The following BBX variants were observed in gnomAD, a reference collection of about 807,000 sequenced individuals.
The protein encoded by BBX is HMG box transcription factor BBX.
In BBX, 30 loss-of-function variants were observed where a neutral mutation model predicts 100.2. That is an observed-to-expected ratio of 0.30 (90% CI 0.22 to 0.41). BBX has a LOEUF of 0.41. Ranked by LOEUF, BBX falls within the 10% of genes least tolerant of loss-of-function variation. The pLI, the probability that BBX is intolerant of heterozygous loss-of-function variation, is 1.00. For missense variants in BBX, 1,023 were observed against 1,129.8 expected (o/e 0.91, Z 1.35); for synonymous variants, 376 against 388.1 (o/e 0.97, Z 0.37).
At chr3:107,730,923 G>C (rs572430676) in intron 6 of BBX, among the ~76,000 whole-genome samples, 5 of 152,124 alleles carry the variant, frequency 3.3e-5, no homozygotes, top group African/African-American at 1.2e-4. Flanking sequence ...GATAATAGAG[G>C]GCCTCTAAAT....
chr3:107,536,811 C>T (rs2048525299), intron 2 of BBX, among the ~76,000 whole-genome samples: 2 of 152,052 alleles, frequency 1.3e-5, no homozygotes, highest in Admixed American at 1.3e-4. Flanking sequence ...CAACCCTTGT[C>T]CTCAAAGCAA....
intron 2 of BBX, among the ~76,000 whole-genome samples, chr3:107,609,325 G>A (rs1388852633): frequency 1.3e-5 from 2 of 152,062 alleles, no homozygotes; most frequent in Non-Finnish European, 2.9e-5. Flanking sequence ...GGGTTCCTTA[G>A]GGATACTGGC....
intron 13 of BBX, among the ~76,000 whole-genome samples, chr3:107,779,498 T>G (rs1020469142): frequency 3.3e-5 from 5 of 152,052 alleles, no homozygotes; most frequent in African/African-American, 1.2e-4. Context: ...GTGGCTGGGC[T>G]GTAGTTGCTT....
At chr3:107,794,186 A>G (rs1411196652) in intron 15 of BBX, among the ~76,000 whole-genome samples, 2 of 152,140 alleles carry the variant, frequency 1.3e-5, no homozygotes, top group Admixed American at 1.3e-4. Flanking sequence ...TTTATAGTTT[A>G]CAGGGGGCTT....
chr3:107,535,315 T>C (rs2048413498), intron 2 of BBX, among the ~76,000 whole-genome samples: 1 of 152,196 alleles, frequency 6.6e-6, no homozygotes, highest in South Asian at 2.1e-4. Flanking sequence ...CTTTATCACT[T>C]GTAAGGAAAG....
At chr3:107,769,169 CATAGATAG>C (rs61134656) in intron 10 of BBX, among the ~76,000 whole-genome samples, 5,272 of 132,400 alleles carry the variant, frequency 0.04, 216 homozygotes, top group African/African-American at 0.077. Context: ...CTCTATCATT[CATAGATAG>C]ATAGATAGAT....
intron 3 of BBX, among the ~76,000 whole-genome samples, chr3:107,692,067 T>C (rs1319929645): frequency 2.0e-5 from 3 of 152,100 alleles, no homozygotes; most frequent in African/African-American, 7.2e-5. Flanking sequence ...TTCCAATCAG[T>C]GATACAGACT....
intron 14 of BBX, among the ~76,000 whole-genome samples, chr3:107,790,889 G>T (rs1249174220): frequency 6.6e-6 from 1 of 151,890 alleles, no homozygotes; most frequent in Non-Finnish European, 1.5e-5. Flanking sequence ...TTTGTATATT[G>T]ATATTATTTT....
At chr3:107,660,747 A>G (rs576209268) in intron 3 of BBX, among the ~76,000 whole-genome samples, 17 of 152,282 alleles carry the variant, frequency 1.1e-4, no homozygotes, top group Non-Finnish European at 1.9e-4. Context: ...TGGCAATTCC[A>G]TTGAATGTTA....
rs1314248940 is a variant in BBX at position 107,771,395 on chromosome 3, C to T, written c.907-1233C>T. 6.6e-5 allele frequency among the ~76,000 whole-genome samples: 6 copies of T among 91,008 alleles called. 1 individual carries two copies. Among genetic ancestry groups the T allele is most frequent in the African/African-American group, 1.0e-4 (3 of 28,684 alleles). 59.7% of individuals were successfully genotyped at this position (91,008 alleles called of 152,430 possible). ...CAACTTTCCCCTTGAATGTTCTGTA[C>T]GTGAAATTTGGGGAGTTTTGATGAG... is the stretch of plus-strand genomic sequence containing the variant. On this transcript the variant is annotated intron_variant, in intron 10 of 17. Transcript: ENST00000325805.
intron 2 of BBX, among the ~76,000 whole-genome samples, chr3:107,528,202 T>A (rs999886271): frequency 6.6e-6 from 1 of 152,192 alleles, no homozygotes; most frequent in African/African-American, 2.4e-5. Flanking sequence ...AATGTATCTA[T>A]TAGATTTGAG....
At chr3:107,757,018 C>G (rs763744700) in intron 10 of BBX, among the ~76,000 whole-genome samples, 1 of 151,878 alleles carries the variant, frequency 6.6e-6, no homozygotes, top group African/African-American at 2.4e-5. Flanking sequence ...TTTATTTGAA[C>G]GAAGTGATTA....
intron 15 of BBX, among the ~76,000 whole-genome samples, chr3:107,794,629 C>T (rs2069412246): frequency 6.6e-6 from 1 of 152,178 alleles, no homozygotes; most frequent in African/African-American, 2.4e-5. Flanking sequence ...TCAGCAAAGT[C>T]TCCCAGGATG....
chr3:107,598,907 C>T (rs1388768451), intron 2 of BBX, among the ~76,000 whole-genome samples: 2 of 152,230 alleles, frequency 1.3e-5, no homozygotes, highest in Non-Finnish European at 2.9e-5. Context: ...GCTTCTTACC[C>T]GCTGGCAGAC....
chr3:107,538,711 A>G (rs989689588), intron 2 of BBX, among the ~76,000 whole-genome samples: 6 of 152,158 alleles, frequency 3.9e-5, no homozygotes, highest in South Asian at 2.1e-4. Flanking sequence ...TAACTAATCA[A>G]TGGTCTATAA....
At chr3:107,531,409 A>G (rs372323481) in intron 2 of BBX, among the ~76,000 whole-genome samples, 2 of 152,120 alleles carry the variant, frequency 1.3e-5, no homozygotes, top group Admixed American at 1.3e-4. Flanking sequence ...TATGTGCACA[A>G]TGGGTATGGT....
intron 4 of BBX, chr3:107,711,279 G>A (rs749236687): frequency 2.1e-6 from 1 of 470,298 alleles, no homozygotes. Flanking sequence ...TCTCAGACCA[G>A]AATAGAAGCT....
At chr3:107,682,736 T>C (rs1474790276) in intron 3 of BBX, among the ~76,000 whole-genome samples, 1 of 152,144 alleles carries the variant, frequency 6.6e-6, no homozygotes, top group Non-Finnish European at 1.5e-5. Context: ...CTATAAGATG[T>C]CCCACAGTAA....
At chr3:107,525,765 C>T (rs1314744810) in intron 1 of BBX, among the ~76,000 whole-genome samples, 1 of 152,182 alleles carries the variant, frequency 6.6e-6, no homozygotes, top group Non-Finnish European at 1.5e-5. Context: ...TGTGTTTTCC[C>T]TGGTCGGTTC....
Sources: allele counts gnomAD v4.1 joint callset (sites outside exome capture counted in the v4.1 genomes callset), GRCh38; gene constraint gnomAD v4.1.1; transcripts MANE v1.5; gene names NCBI Gene and HGNC (gene_info 2026-07-23, HGNC 2026-07-21).